Variants in LAMA3 observed in about 807,000 individuals in gnomAD.
The protein encoded by LAMA3 is laminin subunit alpha 3.
A neutral mutation model predicts 402.0 loss-of-function variants in LAMA3; 281 were observed. The ratio of observed to expected loss-of-function variants is 0.70; its 90% CI spans 0.63 to 0.77. The LOEUF is 0.77. LAMA3 is among the 30% of genes least tolerant of loss of function. The pLI is 0.00. For missense variants in LAMA3, 3,840 were observed against 4,215.5 expected, an observed-to-expected ratio of 0.91 and a Z score of 2.47; for synonymous variants, 1,431 against 1,558.4, an observed-to-expected ratio of 0.92 and a Z score of 1.93.
chr18:23,830,705 C>T lies in LAMA3; in HGVS notation c.2824-3123C>T, dbSNP rs906800798. Among the ~76,000 whole-genome samples the T allele has an allele frequency of 6.6e-5, 10 of 152,296 alleles. No individual in the cohort carries two copies. The East Asian group carries it at 1.9e-3, about 29-fold the overall frequency. On this transcript the variant is annotated intron_variant, in intron 23 of 74. Transcript: ENST00000313654. ...AAATATCATTTGCAGGCTCATCCTC[C>T]TCTGTCTAGCCATTAAGTGTTAGAA...
chr18:23,708,131 CT>C (rs1555674747), intron 1 of LAMA3, among the ~76,000 whole-genome samples: 1 of 152,156 alleles, frequency 6.6e-6, no homozygotes, highest in Non-Finnish European at 1.5e-5. Flanking sequence ...TTATTTCCCC[CT>C]GGATCTAGAA....
At chr18:23,724,165 A>G (rs35270126) in intron 2 of LAMA3, among the ~76,000 whole-genome samples, 11 of 152,238 alleles carry the variant, frequency 7.2e-5, no homozygotes, top group Non-Finnish European at 1.0e-4. Flanking sequence ...TTCACTTAGA[A>G]TAATAGTCTC....
rs150288171 is a variant in LAMA3, at chr18:23,948,759, G to A, written c.9352-1006G>A. ...TAATTTTTGTATTTTTAGTAGAGAC[G>A]GGGTTTCACCATGTTGGCCAGGCTG... On this transcript the variant is annotated intron_variant, in intron 70 of 74. Transcript: ENST00000313654. Among the ~76,000 whole-genome samples, 556 of 151,986 alleles carry A rather than the reference G, an allele frequency of 3.7e-3. 2 individuals carry two copies. Among genetic ancestry groups the A allele is most frequent in the African/African-American group, 0.013 (542 of 41,446 alleles).
intron 43 of LAMA3, 128 bp downstream of exon 43, chr18:23,894,476 CTTAGGGTCAAA>C (rs1388722499): frequency 2.4e-6 from 2 of 820,882 alleles, no homozygotes; most frequent in Non-Finnish European, 4.2e-6. Flanking sequence ...GGAAGGACTA[CTTAGGGTCAAA>C]TCAGCTTCTC....
intron 33 of LAMA3, 73 bp from the exon 34 acceptor site, chr18:23,858,616 T>C: frequency 7.4e-7 from 1 of 1,359,126 alleles, no homozygotes; most frequent in Non-Finnish European, 1.1e-6. Context: ...GTATTTAATT[T>C]GTGCAAGTAG....
intron 22 of LAMA3, among the ~76,000 whole-genome samples, 172 bp from the exon 23 acceptor site, chr18:23,827,142 G>A (rs2063398607): frequency 6.6e-6 from 1 of 152,194 alleles, no homozygotes. Context: ...TCCCCATGCA[G>A]ATGAAAATTT....
At position 23,858,829 on chromosome 18, in the gene LAMA3, G is replaced by A; in HGVS notation, c.4422G>A (p.Lys1474=). The A allele has an allele frequency of 6.2e-7, 1 of 1,614,064 alleles. No homozygotes were observed. Among genetic ancestry groups the A allele is most frequent in the Non-Finnish European group, 8.5e-7 (1 of 1,179,932 alleles). ...ACAGCTCACATAAGCGAAGGACTAAGGTATGCATTGACAGAAAGTGCTGGG... is the reference window on the plus strand; with the variant it reads ...ACAGCTCACATAAGCGAAGGACTAAAGTATGCATTGACAGAAAGTGCTGGG... ...QCHSSHKRRT[K]FVDMLGWHLE... is the part of the protein sequence containing the mutation. Residue 1474 remains lysine, a splice_region_variant and synonymous_variant, in exon 34 of 75, where the codon AAG becomes AAA. Transcript: ENST00000313654.
intron 12 of LAMA3, among the ~76,000 whole-genome samples, chr18:23,795,074 G>T (rs77602228): frequency 2.5e-4 from 38 of 152,308 alleles, no homozygotes; most frequent in Non-Finnish European, 5.0e-4. Flanking sequence ...TCTGTCAAGT[G>T]GAAAAGCGCA....
intron 43 of LAMA3, among the ~76,000 whole-genome samples, 180 bp from the exon 44 acceptor site, chr18:23,894,727 C>T (rs2080812927): frequency 1.3e-5 from 2 of 152,214 alleles, no homozygotes; most frequent in African/African-American, 4.8e-5. Flanking sequence ...CTAAAATGCT[C>T]CCTGTGCACA....
At chr18:23,864,480 G>A (rs905097095) in intron 35 of LAMA3, among the ~76,000 whole-genome samples, 4 of 151,978 alleles carry the variant, frequency 2.6e-5, no homozygotes, top group Non-Finnish European at 5.9e-5. Context: ...CTTCTGCCTC[G>A]GCTTCCCAAA....
At chr18:23,900,473 A>G (rs183744391) in intron 47 of LAMA3, among the ~76,000 whole-genome samples, 2 of 152,324 alleles carry the variant, frequency 1.3e-5, no homozygotes, top group African/African-American at 4.8e-5. Context: ...AAAATGTCAG[A>G]TTTTGAAGCA....
At chr18:23,954,401 TAAAAAA>T (rs11406615) in intron 74 of LAMA3, 96 bp from the exon 75 acceptor site, 67 of 679,670 alleles carry the variant, frequency 9.9e-5, no homozygotes, top group East Asian at 1.6e-4. Flanking sequence ...GGACCCTGTC[TAAAAAA>T]AAAAAAAAAA....
chr18:23,858,888 G>A (rs1184177830), intron 34 of LAMA3, 59 bp downstream of exon 34: 3 of 1,527,474 alleles, frequency 2.0e-6, no homozygotes, highest in African/African-American at 2.7e-5. Context: ...TAAATGATAA[G>A]CATATCCCTC....
intron 65 of LAMA3, among the ~76,000 whole-genome samples, 187 bp from the exon 66 acceptor site, chr18:23,931,972 TA>T (rs2082174161): frequency 1.3e-5 from 2 of 151,768 alleles, no homozygotes; most frequent in African/African-American, 4.8e-5. Flanking sequence ...CCCATTTTAA[TA>T]AAAATGTGAT....
chr18:23,773,510 G>C lies in LAMA3; in HGVS notation c.1196G>C (p.Gly399Ala), dbSNP rs76572574. 1.2e-3 allele frequency: 1,854 copies of C among 1,595,098 alleles called. 17 individuals are homozygous for C. The Admixed American group carries it at 0.017, about 15-fold the overall frequency. The change falls in exon 9 of 75, where the codon GGA becomes GCA. Residue 399 changes from glycine to alanine, a missense_variant. By Grantham distance (60) the Gly-to-Ala change is moderately conservative (BLOSUM62 0). This residue lies in a region of LAMA3 where 2,109 missense variants were observed against 2,376.0 expected (regional missense o/e 0.89). Coordinates refer to ENST00000313654, the MANE Select transcript of LAMA3 (RefSeq NM_198129.4). ...GTTTCTTTCTAGCACAACACAGCTG[G>C]AGTAAACTGTGAACAGTGTGCTAAG... The part of the protein sequence containing the change: ...VCINCQHNTA[G>A]VNCEQCAKGY...
At chr18:23,916,361 G>A (rs1465001450) in intron 59 of LAMA3, among the ~76,000 whole-genome samples, 190 bp from the exon 60 acceptor site, 1 of 152,104 alleles carries the variant, frequency 6.6e-6, no homozygotes, top group African/African-American at 2.4e-5. Context: ...GAGTATGAGA[G>A]CACATCCAGG....
At chr18:23,852,325 G>A (rs2063964945) in intron 32 of LAMA3, among the ~76,000 whole-genome samples, 1 of 152,184 alleles carries the variant, frequency 6.6e-6, no homozygotes, top group African/African-American at 2.4e-5. Context: ...CTGTGAACTT[G>A]AGACAATGTT....
Position 23,921,451 on chromosome 18 carries a change from G to C in LAMA3, c.8044-1G>C. The C allele has an allele frequency of 1.2e-6, 2 of 1,612,528 alleles. No individual in the cohort carries two copies. The highest frequency in any genetic ancestry group is 1.7e-6 in the Non-Finnish European group (2 of 1,179,566). ...GCTGATTCATCTCTCATTTATTTCA[G>C]ATTCAGATCAAAATTGGAAAACTCC... is the stretch of plus-strand genomic sequence containing the variant. On this transcript the variant is annotated splice_acceptor_variant, in intron 61 of 74. Coordinates refer to ENST00000313654, the MANE Select transcript of LAMA3 (RefSeq NM_198129.4). LOFTEE classifies it high-confidence loss of function.
At chr18:23,718,922 G>T (rs2061160132) in intron 2 of LAMA3, among the ~76,000 whole-genome samples, 1 of 152,234 alleles carries the variant, frequency 6.6e-6, no homozygotes, top group Non-Finnish European at 1.5e-5. Flanking sequence ...TCCCAAGAGG[G>T]ATGATAGTTG....
Sources: gnomAD v4.1 joint callset for allele counts (sites outside exome capture counted in the v4.1 genomes callset) on GRCh38, gnomAD v4.1.1 for gene constraint, gnomAD v4.1.1 regional missense constraint, MANE v1.5 for transcripts, NCBI Gene and HGNC (gene_info 2026-07-23, HGNC 2026-07-21) for gene names.